IKBIP: variants seen among roughly 807,000 people sequenced by gnomAD.
The protein encoded by IKBIP is inhibitor of nuclear factor kappa-B kinase-interacting protein.
IKBIP carries 28 observed loss-of-function variants against 31.0 expected under a neutral mutation model. That is an observed-to-expected ratio of 0.90 (90% CI 0.67 to 1.24). The LOEUF (loss-of-function observed/expected upper bound fraction) is 1.24, where lower values mean the gene tolerates loss of function less well. Ranked by LOEUF, IKBIP falls within the 50% of genes most tolerant of loss-of-function variation. The pLI is 0.00. For synonymous variants in IKBIP, 164 were observed against 160.3 expected, an observed-to-expected ratio of 1.02 and a Z score of -0.17; for missense variants, 453 against 441.9, an observed-to-expected ratio of 1.03 and a Z score of -0.23.
At chr12:98,616,489 A>T (rs2097606371) in intron 2 of IKBIP, among the ~76,000 whole-genome samples, 1 of 152,202 alleles carries the variant, frequency 6.6e-6, no homozygotes, top group East Asian at 1.9e-4. Context: ...TTTTAGTTTG[A>T]CACAATCATA....
rs1292448817 is a variant in IKBIP, at chr12:98,639,465, T to G, written c.180-5052A>C. Among the ~76,000 whole-genome samples, 3 of 152,220 alleles carry G rather than the reference T, an allele frequency of 2.0e-5. No individual in the cohort carries two copies. The East Asian group carries it at 5.8e-4, about 29-fold the overall frequency. The stretch of plus-strand genomic sequence containing the variant: ...CTCACTATCATATCATATGGCCTTG[T>G]GGAAGAGTGAGATACAGGAGAAAGG... On this transcript the variant is annotated intron_variant, in intron 1 of 2. Coordinates refer to ENST00000299157, the MANE Select transcript of IKBIP (RefSeq NM_153687.4).
chr12:98,618,365 G>T (rs1161113579), intron 2 of IKBIP, among the ~76,000 whole-genome samples: 1 of 151,598 alleles, frequency 6.6e-6, no homozygotes, highest in Non-Finnish European at 1.5e-5. Context: ...GGTGGCTCAC[G>T]CCTGTAATCC....
exon 3 of IKBIP, chr12:98,613,416 T>C (rs2097604344): frequency 2.1e-6 from 1 of 470,072 alleles, no homozygotes; most frequent in Admixed American, 4.1e-5. Flanking sequence ...GGTTTTAGCA[T>C]ATTTATTTTG....
downstream of IKBIP, among the ~76,000 whole-genome samples, chr12:98,620,733 C>T (rs1355455665): frequency 6.6e-6 from 1 of 152,128 alleles, no homozygotes; most frequent in Admixed American, 6.6e-5. Flanking sequence ...CCATTTAGAT[C>T]AGGCGCAGTG....
intron 2 of IKBIP, among the ~76,000 whole-genome samples, chr12:98,631,349 C>T (rs557415225): frequency 5.0e-4 from 76 of 151,908 alleles, no homozygotes; most frequent in African/African-American, 1.6e-3. Context: ...GGTGCAATCT[C>T]GGCTCACTGT....
rs534701611 is a variant in IKBIP at position 98,614,517 on chromosome 12, T to C, written c.298-177A>G. Among the ~76,000 whole-genome samples the C allele has an allele frequency of 3.1e-3, 472 of 152,222 alleles. 3 individuals carry two copies. Among genetic ancestry groups the C allele is most frequent in the African/African-American group, 0.011 (453 of 41,532 alleles). Reference sequence around the variant, plus strand: ...TTGGCTCACTGAAACCTCCACCTCCTGGGTTCCAGCGATTTTCCTGACTCA... The same window carrying C: ...TTGGCTCACTGAAACCTCCACCTCCCGGGTTCCAGCGATTTTCCTGACTCA... On this transcript the variant is annotated intron_variant, in intron 2 of 2. Transcript: ENST00000342502.
At chr12:98,633,441 C>G (rs1343841779) in intron 2 of IKBIP, among the ~76,000 whole-genome samples, 1 of 147,800 alleles carries the variant, frequency 6.8e-6, no homozygotes, top group Non-Finnish European at 1.5e-5. Flanking sequence ...TTTTAATTTT[C>G]ATTGGAATTC....
At chr12:98,620,154 C>T (rs376102378), downstream of IKBIP, among the ~76,000 whole-genome samples, 25 of 147,776 alleles carry the variant, frequency 1.7e-4, no homozygotes, top group East Asian at 4.5e-3. Context: ...CTCCTGACCT[C>T]AAGTAATCCG....
In IKBIP at chr12:98,634,282, C is replaced by A; in HGVS notation, c.297+14G>T. On this transcript the variant is annotated intron_variant, in intron 2 of 2. Transcript: ENST00000299157. ...AATGGGAAAACCGTCCCAGATAAGC[C>A]AATTAATGATTACCTTTTCTGAAAT... The A allele has an allele frequency of 8.1e-7, 1 of 1,239,010 alleles. No individual in the cohort carries two copies. Among genetic ancestry groups the A allele is most frequent in the South Asian group, 1.2e-5 (1 of 81,862 alleles). 76.8% of individuals were successfully genotyped at this position (1,239,010 alleles called of 1,614,324 possible).
At chr12:98,642,457 G>GT (rs1222812498) in intron 1 of IKBIP, among the ~76,000 whole-genome samples, 9 of 150,276 alleles carry the variant, frequency 6.0e-5, no homozygotes, top group East Asian at 5.9e-4. Flanking sequence ...GCCCAAAAAG[G>GT]TTTTTTTTTC....
At chr12:98,622,716 C>G (rs2097611054), downstream of IKBIP, among the ~76,000 whole-genome samples, 1 of 150,978 alleles carries the variant, frequency 6.6e-6, no homozygotes, top group African/African-American at 2.4e-5. Context: ...TAGATTCATA[C>G]AAAGGTCTAC....
At chr12:98,631,945 T>C (rs1252250518) in intron 2 of IKBIP, among the ~76,000 whole-genome samples, 1 of 150,970 alleles carries the variant, frequency 6.6e-6, no homozygotes, top group Non-Finnish European at 1.5e-5. Context: ...AATCTCCACC[T>C]CCCAGGTTCA....
chr12:98,619,766 C>T (rs1026867988), downstream of IKBIP, among the ~76,000 whole-genome samples: 6 of 150,384 alleles, frequency 4.0e-5, no homozygotes, highest in Non-Finnish European at 7.4e-5. Context: ...ACAAAAATAG[C>T]CGGGCTGAGC....
At chr12:98,634,255 A>G (rs992505847) in intron 2 of IKBIP, 41 bp downstream of exon 2, 6 of 979,234 alleles carry the variant, frequency 6.1e-6, no homozygotes, top group Non-Finnish European at 9.8e-6. Flanking sequence ...GTGGGGTAGT[A>G]AAATGGGAAA....
intron 1 of IKBIP, among the ~76,000 whole-genome samples, chr12:98,640,251 A>G (rs941168374): frequency 6.6e-6 from 1 of 152,138 alleles, no homozygotes; most frequent in Non-Finnish European, 1.5e-5. Flanking sequence ...AGCTTGACCA[A>G]TGGAGAAACC....
exon 3 of IKBIP, chr12:98,614,022 C>T: frequency 2.5e-6 from 4 of 1,608,944 alleles, no homozygotes; most frequent in Non-Finnish European, 2.5e-6. Context: ...TTTTTTTCTA[C>T]TTTCTCTATT....
Position 98,618,360 on chromosome 12 carries a change from C to G in IKBIP, c.298-4020G>C, listed in dbSNP as rs566722632. On this transcript the variant is annotated intron_variant, in intron 2 of 2. Transcript: ENST00000342502. ...AAAAAATTGAGGCCAGGCGCGGTGGCTCACGCCTGTAATCCCAGCACTTTG... is the reference window on the plus strand; with the variant it reads ...AAAAAATTGAGGCCAGGCGCGGTGGGTCACGCCTGTAATCCCAGCACTTTG... Among the ~76,000 whole-genome samples, 10 of 148,752 alleles carry G rather than the reference C, an allele frequency of 6.7e-5. No homozygotes were observed. In the East Asian group the frequency reaches 2.2e-3, roughly 33 times the overall value.
chr12:98,625,018 A>G lies in IKBIP; in HGVS notation c.*912T>C, dbSNP rs574312256. On this transcript the variant is annotated 3_prime_UTR_variant, in exon 3 of 3. Transcript: ENST00000299157. ...GACAGGGTTTCACCCTGTTAGCCAG[A>G]TGGTCTTGATCTCCTGACTTCGTGA... 6.2e-6 allele frequency: 3 copies of G among 486,508 alleles called. No individual in the cohort carries two copies. The highest frequency in any genetic ancestry group is 1.8e-4 in the South Asian group (2 of 11,334). The allele number at this position is 486,508 out of a possible 1,614,324, so 30.1% of individuals were successfully genotyped here. A position where few individuals can be genotyped will look rare whatever the true frequency, so the allele number is the denominator to read the frequency against.
At position 98,625,268 on chromosome 12, in the gene IKBIP, C is replaced by A; in HGVS notation, c.*662G>T. On this transcript the variant is annotated 3_prime_UTR_variant, in exon 3 of 3. Transcript: ENST00000299157. The stretch of plus-strand genomic sequence containing the variant: ...ACTTACTCTGATTTTAAAAGTCTTA[C>A]AAGTATCTGTAACACAGTTTAGAAC... 1 of 982,298 alleles carries A rather than the reference C, an allele frequency of 1.0e-6. No homozygotes were observed. Among genetic ancestry groups the A allele is most frequent in the Non-Finnish European group, 1.2e-6 (1 of 827,054 alleles). 60.8% of individuals were successfully genotyped at this position (982,298 alleles called of 1,614,324 possible).
Sources: allele counts gnomAD v4.1 joint callset (sites outside exome capture counted in the v4.1 genomes callset), GRCh38; gene constraint gnomAD v4.1.1; transcripts MANE v1.5; gene names NCBI Gene and HGNC (gene_info 2026-07-23, HGNC 2026-07-21).